Variants in PPP4R4 observed in about 807,000 individuals in gnomAD.
The protein encoded by PPP4R4 is serine/threonine-protein phosphatase 4 regulatory subunit 4.
In PPP4R4, 70 loss-of-function variants were observed where a neutral mutation model predicts 121.8. The observed-to-expected ratio is 0.57, with a 90% confidence interval of 0.47 to 0.70. The LOEUF is 0.70. PPP4R4 is among the 30% of genes least tolerant of loss of function. The pLI, the probability that PPP4R4 is intolerant of heterozygous loss-of-function variation, is 0.00. For synonymous variants in PPP4R4, 348 were observed against 355.7 expected (o/e 0.98, Z 0.24); for missense variants, 875 against 1,033.6 (o/e 0.85, Z 2.10).
chr14:94,227,525 A>C, intron 3 of PPP4R4: 1 of 1,331,926 alleles, frequency 7.5e-7, no homozygotes, highest in Non-Finnish European at 9.6e-7. Context: ...AACAAGAGAA[A>C]AACCCAAATC....
At chr14:94,217,768 G>A (rs553782998) in intron 3 of PPP4R4, among the ~76,000 whole-genome samples, 1 of 152,342 alleles carries the variant, frequency 6.6e-6, no homozygotes, top group South Asian at 2.1e-4. Flanking sequence ...GCTGAGGTGG[G>A]CGGATCACCT....
chr14:94,260,775 T>C (rs1893743864), intron 19 of PPP4R4, among the ~76,000 whole-genome samples: 1 of 152,148 alleles, frequency 6.6e-6, no homozygotes, highest in African/African-American at 2.4e-5. Context: ...GCTTATCTGT[T>C]CATTTATTAA....
chr14:94,260,868 C>T (rs1893750190), intron 19 of PPP4R4, among the ~76,000 whole-genome samples: 1 of 151,832 alleles, frequency 6.6e-6, no homozygotes, highest in Admixed American at 6.6e-5. Flanking sequence ...TTTTTTGTTC[C>T]AAGAATCCTT....
rs1021084293 is a variant in PPP4R4, at chr14:94,180,007, A to G, written c.191+3880A>G. 3.9e-5 allele frequency among the ~76,000 whole-genome samples: 6 copies of G among 152,216 alleles called. No individual in the cohort carries two copies. In the South Asian group the frequency reaches 8.3e-4, roughly 21 times the overall value. ...GTCATATCTTGTTCCACAATTTATT[A>G]TCTATGTGACAGTGGTGAAGTTAGT... On this transcript the variant is annotated intron_variant, in intron 2 of 24. Transcript: ENST00000304338.
intron 2 of PPP4R4, among the ~76,000 whole-genome samples, chr14:94,182,458 C>T (rs976044982): frequency 1.3e-5 from 2 of 152,174 alleles, no homozygotes; most frequent in Non-Finnish European, 2.9e-5. Flanking sequence ...AGGGTAGCTA[C>T]TCTACTGACT....
chr14:94,190,903 T>C (rs994788947), intron 2 of PPP4R4, among the ~76,000 whole-genome samples: 1 of 150,952 alleles, frequency 6.6e-6, no homozygotes, highest in Non-Finnish European at 1.5e-5. Flanking sequence ...GACCTTATCA[T>C]GTAAGGAATA....
At chr14:94,272,260 G>T (rs1186915624) in intron 23 of PPP4R4, among the ~76,000 whole-genome samples, 1 of 152,166 alleles carries the variant, frequency 6.6e-6, no homozygotes, top group African/African-American at 2.4e-5. Flanking sequence ...TCAGGACTTA[G>T]TATAAAGCTA....
At chr14:94,254,473 AATGAG>A (rs1207655908) in intron 16 of PPP4R4, among the ~76,000 whole-genome samples, 1 of 152,180 alleles carries the variant, frequency 6.6e-6, no homozygotes, top group Non-Finnish European at 1.5e-5. Flanking sequence ...GTGAGCTGTG[AATGAG>A]ATTGAGACCA....
chr14:94,265,723 G>A (rs1389528023), intron 21 of PPP4R4, 71 bp from the exon 22 acceptor site: 17 of 1,110,086 alleles, frequency 1.5e-5, no homozygotes, highest in Non-Finnish European at 2.1e-5. Flanking sequence ...TGGTAGTTGG[G>A]GAGGGAATGG....
At chr14:94,240,502 C>G (rs1422067366) in intron 8 of PPP4R4, among the ~76,000 whole-genome samples, 171 bp from the exon 9 acceptor site, 2 of 152,118 alleles carry the variant, frequency 1.3e-5, no homozygotes, top group African/African-American at 4.8e-5. Context: ...CAAGCCTCCT[C>G]TTACCCCTTT....
chr14:94,198,287 A>C (rs771540664), intron 2 of PPP4R4, among the ~76,000 whole-genome samples: 1 of 152,262 alleles, frequency 6.6e-6, no homozygotes, highest in South Asian at 2.1e-4. Flanking sequence ...TAACGATTAA[A>C]ATTTTGTTGA....
At chr14:94,183,945 A>G (rs1595447391) in intron 2 of PPP4R4, among the ~76,000 whole-genome samples, 2 of 152,160 alleles carry the variant, frequency 1.3e-5, no homozygotes, top group Middle Eastern at 6.9e-3. Flanking sequence ...TATTTGAATA[A>G]TGTGTCAAGT....
At chr14:94,220,024 C>T (rs1302189204) in intron 3 of PPP4R4, among the ~76,000 whole-genome samples, 1 of 152,094 alleles carries the variant, frequency 6.6e-6, no homozygotes, top group Non-Finnish European at 1.5e-5. Context: ...GAGTTCGAGG[C>T]CAGCCTGGCC....
intron 3 of PPP4R4, among the ~76,000 whole-genome samples, chr14:94,225,458 T>C (rs1891644953): frequency 6.6e-6 from 1 of 151,724 alleles, no homozygotes; most frequent in South Asian, 2.1e-4. Context: ...GCAGTAGGAA[T>C]AAGGGCAGTC....
rs1892857149 is a variant in PPP4R4, at chr14:94,245,697, T to A, written c.1428+27T>A. ...TAAACTTCATCTTTCAGAAACATTC[T>A]GAGTTGTGTAAATATTATCCTACTC... On this transcript the variant is annotated intron_variant, in intron 13 of 24. Transcript: ENST00000304338. 2.0e-6 allele frequency: 3 copies of A among 1,484,108 alleles called. No homozygotes were observed. In the East Asian group the frequency reaches 6.8e-5, roughly 34 times the overall value. The allele number at this position is 1,484,108 out of a possible 1,614,324, so 91.9% of individuals were successfully genotyped here.
At chr14:94,275,086 T>C (rs1389495013) in intron 23 of PPP4R4, among the ~76,000 whole-genome samples, 1 of 152,128 alleles carries the variant, frequency 6.6e-6, no homozygotes, top group Non-Finnish European at 1.5e-5. Context: ...TACAAACTAA[T>C]TTATAGTTGA....
At chr14:94,224,312 T>A (rs1343008482) in intron 3 of PPP4R4, among the ~76,000 whole-genome samples, 4 of 152,088 alleles carry the variant, frequency 2.6e-5, no homozygotes, top group Non-Finnish European at 4.4e-5. Flanking sequence ...ATGCTGACTG[T>A]AAAGTCGAAA....
intron 3 of PPP4R4, among the ~76,000 whole-genome samples, chr14:94,222,117 A>T (rs1181491058): frequency 6.6e-6 from 1 of 152,008 alleles, no homozygotes; most frequent in African/African-American, 2.4e-5. Flanking sequence ...TTTTTAATCC[A>T]ATCTCACACT....
At chr14:94,197,645 C>A (rs1889955919) in intron 2 of PPP4R4, among the ~76,000 whole-genome samples, 1 of 151,986 alleles carries the variant, frequency 6.6e-6, no homozygotes, top group Non-Finnish European at 1.5e-5. Flanking sequence ...CCCATGAAAC[C>A]CTCACCATGA....
Sources: allele counts gnomAD v4.1 joint callset (sites outside exome capture counted in the v4.1 genomes callset), GRCh38; gene constraint gnomAD v4.1.1; transcripts MANE v1.5; gene names NCBI Gene and HGNC (gene_info 2026-07-23, HGNC 2026-07-21).